DCC: variants seen among roughly 807,000 people sequenced by gnomAD.
DCC encodes the protein DCC netrin 1 receptor.
Under a neutral mutation model 172.5 loss-of-function variants are expected in DCC, and 58 were observed. The observed-to-expected ratio is 0.34, with a 90% CI of 0.27 to 0.42. The LOEUF is 0.42. Ranked by LOEUF, DCC falls within the 10% of genes least tolerant of loss-of-function variation. The pLI is 1.00. For synonymous variants in DCC, 709 were observed against 644.5 expected (o/e 1.10, Z -1.52); for missense variants, 1,740 against 1,791.0 (o/e 0.97, Z 0.51).
intron 1 of DCC, among the ~76,000 whole-genome samples, chr18:52,486,100 T>G (rs905230719): frequency 2.0e-5 from 3 of 152,120 alleles, no homozygotes; most frequent in African/African-American, 7.2e-5. Context: ...TCTCAAGAGA[T>G]TCTCCCACCG....
At chr18:53,518,880 T>A (rs372409306) in intron 27 of DCC, among the ~76,000 whole-genome samples, 14 of 152,294 alleles carry the variant, frequency 9.2e-5, no homozygotes, top group African/African-American at 3.1e-4. Flanking sequence ...ATACCACTTA[T>A]TTTTAGAGTA....
intron 14 of DCC, among the ~76,000 whole-genome samples, chr18:53,334,828 T>C (rs1284243142): frequency 6.6e-6 from 1 of 152,198 alleles, no homozygotes; most frequent in Non-Finnish European, 1.5e-5. Context: ...TAAAAATGCA[T>C]TTATACATTG....
At chr18:52,437,539 A>C (rs1332155016) in intron 1 of DCC, among the ~76,000 whole-genome samples, 1 of 152,242 alleles carries the variant, frequency 6.6e-6, no homozygotes, top group Non-Finnish European at 1.5e-5. Flanking sequence ...TTAAATAAGA[A>C]GAGCCTCTGG....
intron 1 of DCC, among the ~76,000 whole-genome samples, chr18:52,750,733 T>C (rs887301352): frequency 6.6e-6 from 1 of 152,200 alleles, no homozygotes; most frequent in Non-Finnish European, 1.5e-5. Context: ...GTTCTGTCCA[T>C]CAGGACCAGT....
chr18:52,522,465 C>G (rs922667700), intron 1 of DCC, among the ~76,000 whole-genome samples: 3 of 152,188 alleles, frequency 2.0e-5, no homozygotes, highest in African/African-American at 7.2e-5. Flanking sequence ...CCGAAAATCT[C>G]TCCTTTTTTC....
rs535880270 is a variant in DCC, at chr18:52,457,158, G to T, written c.91+116280G>T. Among the ~76,000 whole-genome samples the T allele has an allele frequency of 2.0e-5, 3 of 152,200 alleles. No individual in the cohort carries two copies. In the South Asian group the frequency reaches 6.2e-4, roughly 32 times the overall value. Reference sequence around the variant, plus strand: ...CTGTGCTTTTAAAAAATTCATCAATGAAATCTTTGATTTTGAAATGAGGTG... The same window carrying T: ...CTGTGCTTTTAAAAAATTCATCAATTAAATCTTTGATTTTGAAATGAGGTG... On this transcript the variant is annotated intron_variant, in intron 1 of 28. Transcript: ENST00000442544.
At chr18:53,071,415 G>A (rs964697658) in intron 7 of DCC, among the ~76,000 whole-genome samples, 17 of 152,148 alleles carry the variant, frequency 1.1e-4, no homozygotes, top group Non-Finnish European at 2.2e-4. Flanking sequence ...GATCAATGGT[G>A]TTTTTAAAAA....
intron 1 of DCC, among the ~76,000 whole-genome samples, chr18:52,417,664 C>A (rs986375034): frequency 3.3e-5 from 5 of 152,132 alleles, no homozygotes; most frequent in Non-Finnish European, 5.9e-5. Context: ...TTGATTGCAT[C>A]GGCTCCTGAG....
At chr18:53,508,954 T>A (rs112000721) in intron 27 of DCC, among the ~76,000 whole-genome samples, 1 of 152,288 alleles carries the variant, frequency 6.6e-6, no homozygotes, top group Non-Finnish European at 1.5e-5. Context: ...ATAGCATAGG[T>A]CCCCAGTAAG....
intron 5 of DCC, among the ~76,000 whole-genome samples, chr18:53,000,038 A>C (rs1404404214): frequency 6.6e-6 from 1 of 151,954 alleles, no homozygotes; most frequent in East Asian, 1.9e-4. Flanking sequence ...ACCAATTAAG[A>C]GCTAGGAAGA....
intron 2 of DCC, among the ~76,000 whole-genome samples, chr18:52,828,400 C>T (rs913317153): frequency 2.0e-5 from 3 of 151,988 alleles, no homozygotes; most frequent in African/African-American, 4.8e-5. Context: ...AAGACACTTA[C>T]AACCCCGTCT....
chr18:53,004,214 T>G (rs118044677), intron 5 of DCC, among the ~76,000 whole-genome samples: 10 of 152,344 alleles, frequency 6.6e-5, no homozygotes, highest in Non-Finnish European at 1.2e-4. Flanking sequence ...AATGATTTTC[T>G]GTGTATGTCC....
chr18:53,468,791 T>C (rs1235686428), intron 25 of DCC, among the ~76,000 whole-genome samples: 2 of 152,206 alleles, frequency 1.3e-5, no homozygotes, highest in African/African-American at 4.8e-5. Context: ...ACACCCCTTG[T>C]TGAAGTTTTC....
intron 26 of DCC, among the ~76,000 whole-genome samples, chr18:53,495,960 G>A (rs1358684051): frequency 1.3e-5 from 2 of 152,114 alleles, no homozygotes; most frequent in African/African-American, 4.8e-5. Flanking sequence ...CCCCAGTCAG[G>A]GACTTATAGG....
intron 7 of DCC, among the ~76,000 whole-genome samples, chr18:53,156,271 G>A (rs1413519353): frequency 1.3e-5 from 2 of 152,080 alleles, no homozygotes; most frequent in Admixed American, 1.3e-4. Flanking sequence ...GATCACTTGA[G>A]GTCAGGAGTT....
chr18:52,972,352 A>C (rs1226508877), intron 5 of DCC, among the ~76,000 whole-genome samples: 6 of 152,186 alleles, frequency 3.9e-5, no homozygotes, highest in Admixed American at 3.9e-4. Context: ...AAATAAACAT[A>C]AATAAGCTAA....
At chr18:53,479,607 T>A (rs2045808269) in intron 25 of DCC, among the ~76,000 whole-genome samples, 2 of 152,144 alleles carry the variant, frequency 1.3e-5, no homozygotes. Context: ...TTGTATCTTT[T>A]GGGAGGATTT....
chr18:52,974,900 C>G (rs948416313), intron 5 of DCC, among the ~76,000 whole-genome samples: 2 of 152,088 alleles, frequency 1.3e-5, no homozygotes, highest in Non-Finnish European at 2.9e-5. Context: ...AGGTCACATA[C>G]AAAACACTCC....
intron 1 of DCC, among the ~76,000 whole-genome samples, chr18:52,360,249 G>A (rs1449397241): frequency 6.6e-6 from 1 of 152,166 alleles, no homozygotes; most frequent in Non-Finnish European, 1.5e-5. Flanking sequence ...ATTTTCAAAT[G>A]TCACAGTTTT....
Sources: gnomAD v4.1 joint callset for allele counts (sites outside exome capture counted in the v4.1 genomes callset) on GRCh38, gnomAD v4.1.1 for gene constraint, MANE v1.5 for transcripts, NCBI Gene and HGNC (gene_info 2026-07-23, HGNC 2026-07-21) for gene names.